Variants in CFAP61 observed in about 807,000 individuals in gnomAD.
CFAP61 encodes cilia and flagella associated protein 61, also known as cilia- and flagella-associated protein 61.
CFAP61 carries 107 observed loss-of-function variants against 135.6 expected under a neutral mutation model. The ratio of observed to expected loss-of-function variants is 0.79; its 90% CI spans 0.67 to 0.93. The LOEUF (loss-of-function observed/expected upper bound fraction) is 0.93, where lower values mean the gene tolerates loss of function less well. Ranked by LOEUF, CFAP61 falls within the 40% of genes least tolerant of loss-of-function variation. The pLI is 0.00. For synonymous variants in CFAP61, 575 were observed against 578.5 expected, an observed-to-expected ratio of 0.99 and a Z score of 0.09; for missense variants, 1,507 against 1,556.2, an observed-to-expected ratio of 0.97 and a Z score of 0.53.
intron 8 of CFAP61, among the ~76,000 whole-genome samples, chr20:20,102,198 T>G (rs1195478352): frequency 2.6e-5 from 4 of 152,226 alleles, no homozygotes; most frequent in African/African-American, 9.6e-5. Context: ...CTGCTGGTGC[T>G]TTCTCCATTG....
At chr20:20,116,571 G>T (rs529271079) in intron 8 of CFAP61, among the ~76,000 whole-genome samples, 1 of 152,102 alleles carries the variant, frequency 6.6e-6, no homozygotes, top group African/African-American at 2.4e-5. Flanking sequence ...TCAGGTCTTA[G>T]ATTTAAGATT....
At chr20:20,176,442 A>C (rs895240522) in intron 13 of CFAP61, among the ~76,000 whole-genome samples, 1 of 152,216 alleles carries the variant, frequency 6.6e-6, no homozygotes, top group African/African-American at 2.4e-5. Flanking sequence ...ACATGGAATT[A>C]ACCCAAATGC....
chr20:20,056,542 G>C, intron 1 of CFAP61, 76 bp from the exon 2 acceptor site: 1 of 1,030,838 alleles, frequency 9.7e-7, no homozygotes, highest in Admixed American at 2.1e-5. Context: ...TGTTCACTCT[G>C]ACCACATGGA....
At chr20:20,118,015 A>C (rs112612845) in intron 8 of CFAP61, among the ~76,000 whole-genome samples, 1,872 of 152,258 alleles carry the variant, frequency 0.012, 48 homozygotes, top group African/African-American at 0.043. Context: ...TCTAAGTATA[A>C]GATCACGTTG....
chr20:20,263,187 G>A, intron 21 of CFAP61, 57 bp downstream of exon 21: 1 of 1,301,042 alleles, frequency 7.7e-7, no homozygotes, highest in East Asian at 2.5e-5. Flanking sequence ...TTTATAATGA[G>A]TCTCATTCTT....
rs1176205002 is a variant in CFAP61, at chr20:20,188,029, C to G, written c.1485C>G (p.Asp495Glu). The change falls in exon 14 of 27, where the codon GAC becomes GAG. Residue 495 changes from aspartate to glutamate, a missense_variant. Transcript: ENST00000245957. Reference sequence around the variant, plus strand: ...ATAAAAGCATATTGGAGGACTTAGACCGTTACAACAAGGCTCGCAAAGACC... The same window carrying G: ...ATAAAAGCATATTGGAGGACTTAGAGCGTTACAACAAGGCTCGCAAAGACC... The part of the protein sequence containing the change: ...MLNKSILEDL[D>E]RYNKARKDPD... 3 of 1,614,150 alleles carry G rather than the reference C, an allele frequency of 1.9e-6. No homozygotes were observed. The highest frequency in any genetic ancestry group is 2.5e-6 in the Non-Finnish European group (3 of 1,179,998).
At chr20:20,075,873 A>G (rs1023251222) in intron 6 of CFAP61, among the ~76,000 whole-genome samples, 2 of 152,168 alleles carry the variant, frequency 1.3e-5, no homozygotes, top group Non-Finnish European at 2.9e-5. Context: ...AAAACACACA[A>G]TCCTAGGTCC....
chr20:20,336,407 G>A (rs1324885289), intron 25 of CFAP61, among the ~76,000 whole-genome samples: 2 of 152,068 alleles, frequency 1.3e-5, no homozygotes, highest in African/African-American at 4.8e-5. Context: ...GATTACTTGA[G>A]GCTAGGAGTT....
At chr20:20,101,588 T>C (rs771917391) in intron 8 of CFAP61, among the ~76,000 whole-genome samples, 1 of 133,232 alleles carries the variant, frequency 7.5e-6, no homozygotes, top group African/African-American at 2.5e-5. Flanking sequence ...ACAAGATACA[T>C]GATGAGTTTT....
At chr20:20,201,709 G>A (rs1460851770) in intron 17 of CFAP61, among the ~76,000 whole-genome samples, 1 of 152,204 alleles carries the variant, frequency 6.6e-6, no homozygotes, top group Non-Finnish European at 1.5e-5. Context: ...TGGAGAAGGC[G>A]CTGGGCATAG....
chr20:20,062,999 G>T (rs1263138529), intron 2 of CFAP61, among the ~76,000 whole-genome samples: 1 of 152,132 alleles, frequency 6.6e-6, no homozygotes, highest in African/African-American at 2.4e-5. Context: ...TAAAAAAACT[G>T]CATGCCAATA....
intron 6 of CFAP61, among the ~76,000 whole-genome samples, chr20:20,082,423 G>C (rs1199073831): frequency 6.6e-6 from 1 of 152,190 alleles, no homozygotes; most frequent in African/African-American, 2.4e-5. Flanking sequence ...TGAAGTTACT[G>C]TTCTGTACTT....
chr20:20,162,172 C>T (rs1051263456), intron 10 of CFAP61, among the ~76,000 whole-genome samples: 1 of 152,156 alleles, frequency 6.6e-6, no homozygotes, highest in Non-Finnish European at 1.5e-5. Context: ...CATCTTCCTC[C>T]CTCTGACTCA....
chr20:20,360,355 A>T lies in CFAP61; in HGVS notation c.3659A>T (p.Tyr1220Phe). The change falls in exon 27 of 27, where the codon TAC (tyrosine) becomes TTC (phenylalanine). Residue 1220 changes from tyrosine to phenylalanine, a missense_variant. Transcript: ENST00000245957. ...CTGGTGGAGAGAAGCACTCTTGACT[A>T]CCTGCACTATAACCGCTACCACCTG... ...KTLVERSTLD[Y>F]LHYNRYHLPM... is the part of the protein sequence containing the mutation. 1 of 1,613,864 alleles carries T rather than the reference A, an allele frequency of 6.2e-7. No individual in the cohort carries two copies. The highest frequency in any genetic ancestry group is 1.3e-5 in the African/African-American group (1 of 75,032).
intron 3 of CFAP61, among the ~76,000 whole-genome samples, chr20:20,071,270 T>A (rs1317701793): frequency 6.6e-6 from 1 of 152,094 alleles, no homozygotes; most frequent in Non-Finnish European, 1.5e-5. Context: ...TTAGTGGAAG[T>A]GTCAAACGTG....
At chr20:20,314,518 TTTA>T (rs2057002639) in intron 25 of CFAP61, among the ~76,000 whole-genome samples, 1 of 150,530 alleles carries the variant, frequency 6.6e-6, no homozygotes, top group Non-Finnish European at 1.5e-5. Context: ...TTTGTTTTTT[TTTA>T]TTATTATTAT....
At chr20:20,148,600 G>T (rs1337840450) in intron 9 of CFAP61, among the ~76,000 whole-genome samples, 1 of 152,094 alleles carries the variant, frequency 6.6e-6, no homozygotes, top group Non-Finnish European at 1.5e-5. Context: ...TTGGTATATT[G>T]TAGTGCTACT....
At position 20,196,715 on chromosome 20, in the gene CFAP61, T is replaced by C. The variant is rs201468452; in HGVS notation, c.1736T>C (p.Leu579Pro). ...ACCAAGTTCTTTCTGAAGGAGATCC[T>C]GCGTTTAGGCTTTAAATCCTGTCTC... ...HYTKFFLKEI[L>P]RLGFKSCLYY... The change falls in exon 16 of 27, where the codon CTG (leucine) becomes CCG (proline). Residue 579 changes from leucine to proline, a missense_variant. Leu to Pro is a moderately conservative substitution (Grantham distance 98). Transcript: ENST00000245957. 9 of 1,614,234 alleles carry C rather than the reference T, an allele frequency of 5.6e-6. No individual in the cohort carries two copies. Among genetic ancestry groups the C allele is most frequent in the Non-Finnish European group, 5.1e-6 (6 of 1,180,050 alleles).
chr20:20,160,306 A>C (rs549599715), intron 10 of CFAP61, among the ~76,000 whole-genome samples: 72 of 152,262 alleles, frequency 4.7e-4, no homozygotes, highest in Non-Finnish European at 8.7e-4. Flanking sequence ...GGGCTTGGTC[A>C]TATCCATAGA....
Sources: allele counts gnomAD v4.1 joint callset (sites outside exome capture counted in the v4.1 genomes callset), GRCh38; gene constraint gnomAD v4.1.1; transcripts MANE v1.5; gene names NCBI Gene and HGNC (gene_info 2026-07-23, HGNC 2026-07-21).